DNAAF10: variants seen among roughly 807,000 people sequenced by gnomAD.
DNAAF10 encodes the protein dynein axonemal assembly factor 10.
In DNAAF10, 28 loss-of-function variants were observed where a neutral mutation model predicts 43.7. That is an observed-to-expected ratio of 0.64 (90% CI 0.48 to 0.88). The LOEUF is 0.88. Ranked by LOEUF, DNAAF10 falls within the 40% of genes least tolerant of loss-of-function variation. The pLI is 0.00. For synonymous variants in DNAAF10, 156 were observed against 157.3 expected (o/e 0.99, Z 0.06); for missense variants, 403 against 439.1 (o/e 0.92, Z 0.73).
In DNAAF10 at chr2:68,139,433, C is replaced by A. The variant is rs55943390; in HGVS notation, c.518-576G>T. 4.3e-3 allele frequency among the ~76,000 whole-genome samples: 653 copies of A among 151,368 alleles called. 1 individual carries two copies. Among genetic ancestry groups the A allele is most frequent in the Admixed American group, 6.9e-3 (106 of 15,252 alleles). ...ATAAAACTCTTTTCTTTATAAACTA[C>A]CCAGTCTCAGGTATTCCTTTATAGC... On this transcript the variant is annotated intron_variant, in intron 4 of 7. Coordinates refer to ENST00000295121, the MANE Select transcript of DNAAF10 (RefSeq NM_138458.4).
intron 1 of DNAAF10, chr2:68,157,058 G>A (rs768772766): frequency 2.9e-5 from 21 of 728,844 alleles, no homozygotes; most frequent in Non-Finnish European, 4.1e-5. Flanking sequence ...CAGGACGGTT[G>A]GGCGCGGAGG....
In DNAAF10 at chr2:68,131,262, G is replaced by C; in HGVS notation, c.1050C>G (p.Ile350Met). ...SSFDQTVRVL[I>M]VTKLNKI ...GTCAAATTTTATTGAGCTTTGTAAC[G>C]ATCAGTACTCTCACCGTTTGGTCAA... The change falls in exon 8 of 8, where the codon ATC (isoleucine) becomes ATG (methionine). Residue 350 changes from isoleucine to methionine, a missense_variant. Ile to Met is a conservative substitution (Grantham distance 10). Transcript: ENST00000295121. The C allele has an allele frequency of 1.2e-6, 2 of 1,613,888 alleles. No individual in the cohort carries two copies. Among genetic ancestry groups the C allele is most frequent in the East Asian group, 2.2e-5 (1 of 44,876 alleles).
chr2:68,147,431 A>ATC (rs1558611522), intron 2 of DNAAF10, 36 bp downstream of exon 2: 1 of 1,479,260 alleles, frequency 6.8e-7, no homozygotes. Flanking sequence ...TAAATTGCCT[A>ATC]TCTCATCTGT....
At chr2:68,137,860 C>T (rs1396859995) in intron 5 of DNAAF10, among the ~76,000 whole-genome samples, 1 of 136,564 alleles carries the variant, frequency 7.3e-6, no homozygotes, top group Non-Finnish European at 1.5e-5. Context: ...GAGTGAGACT[C>T]TGTCTCAAAA....
intron 1 of DNAAF10, among the ~76,000 whole-genome samples, chr2:68,154,291 C>T (rs527291145): frequency 6.6e-6 from 1 of 151,656 alleles, no homozygotes; most frequent in Admixed American, 6.6e-5. Flanking sequence ...CTGTCACCCA[C>T]GCTGGAGTGC....
intron 4 of DNAAF10, among the ~76,000 whole-genome samples, chr2:68,141,243 G>A (rs1007449402): frequency 2.6e-5 from 4 of 152,184 alleles, no homozygotes; most frequent in South Asian, 4.1e-4. Context: ...CGTATATAGC[G>A]TAATGTATGA....
In DNAAF10 at chr2:68,137,294, T is replaced by C. The variant is rs1673066966; in HGVS notation, c.768+5A>G. 1 of 1,608,578 alleles carries C rather than the reference T, an allele frequency of 6.2e-7. No individual in the cohort carries two copies. On this transcript the variant is annotated splice_donor_5th_base_variant and intron_variant, in intron 6 of 7. Transcript: ENST00000295121. Reference sequence around the variant, plus strand: ...TTCATAGAAAGACATTTCCCTCATATTTACCTTTTCTGAAACAGAGGCAAA... The same window carrying C: ...TTCATAGAAAGACATTTCCCTCATACTTACCTTTTCTGAAACAGAGGCAAA...
At chr2:68,144,798 T>TA (rs1246002377) in intron 2 of DNAAF10, 83 bp from the exon 3 acceptor site, 2 of 1,481,456 alleles carry the variant, frequency 1.4e-6, no homozygotes, top group Non-Finnish European at 1.8e-6. Flanking sequence ...ATATTATAGT[T>TA]AGATTTTTTC....
At chr2:68,147,040 C>T (rs1354894532) in intron 2 of DNAAF10, among the ~76,000 whole-genome samples, 1 of 152,044 alleles carries the variant, frequency 6.6e-6, no homozygotes. Context: ...AAAAGTTGTG[C>T]TTAGATGTTA....
At chr2:68,133,201 C>A (rs906446392) in intron 7 of DNAAF10, among the ~76,000 whole-genome samples, 2 of 152,150 alleles carry the variant, frequency 1.3e-5, no homozygotes, top group African/African-American at 4.8e-5. Flanking sequence ...CTGCTTTTCA[C>A]TCAGAAACCA....
At chr2:68,131,807 T>C (rs181641203) in intron 7 of DNAAF10, 54 of 221,434 alleles carry the variant, frequency 2.4e-4, no homozygotes, top group Middle Eastern at 2.0e-3. Flanking sequence ...TCTCCAGATA[T>C]AGATTGCTGG....
Position 68,130,026 on chromosome 2 carries a change from C to A in DNAAF10, c.*1212G>T, listed in dbSNP as rs1490247360. The stretch of plus-strand genomic sequence containing the variant: ...CCTGTATTTTAAGTAAAAAAGAGCT[C>A]TTTAAAATCAAAGCATTTTGTTTTA... On this transcript the variant is annotated 3_prime_UTR_variant, in exon 8 of 8. Coordinates refer to ENST00000295121, the MANE Select transcript of DNAAF10 (RefSeq NM_138458.4). 1 of 149,988 alleles carries A rather than the reference C, an allele frequency of 6.7e-6. No homozygotes were observed. Among genetic ancestry groups the A allele is most frequent in the African/African-American group, 2.5e-5 (1 of 40,786 alleles). 9.3% of individuals were successfully genotyped at this position (149,988 alleles called of 1,614,324 possible). A position where few individuals can be genotyped will look rare whatever the true frequency, so the allele number is the denominator to read the frequency against.
intron 2 of DNAAF10, among the ~76,000 whole-genome samples, chr2:68,145,452 T>A (rs891002729): frequency 2.7e-5 from 4 of 150,374 alleles, no homozygotes; most frequent in African/African-American, 4.9e-5. Context: ...TCTATCTAAA[T>A]ATATATATAT....
At chr2:68,134,517 C>A in intron 7 of DNAAF10, 185 bp downstream of exon 7, 1 of 1,435,908 alleles carries the variant, frequency 7.0e-7, no homozygotes, top group Non-Finnish European at 9.1e-7. Context: ...AGTGTACACT[C>A]TACTAAGTGT....
intron 5 of DNAAF10, 138 bp downstream of exon 5, chr2:68,138,604 T>A (rs1673100868): frequency 1.5e-6 from 1 of 658,794 alleles, no homozygotes; most frequent in Non-Finnish European, 2.7e-6. Context: ...CTCAAACGGA[T>A]TTGGCCTCAA....
rs1572913960 is a variant in DNAAF10 at position 68,130,348 on chromosome 2, T to A, written c.*890A>T. The A allele has an allele frequency of 6.6e-6, 1 of 151,816 alleles. No individual in the cohort carries two copies. Among genetic ancestry groups the A allele is most frequent in the South Asian group, 2.1e-4 (1 of 4,808 alleles). 9.4% of individuals were successfully genotyped at this position (151,816 alleles called of 1,614,324 possible). Reference sequence around the variant, plus strand: ...GTTTTGACCATGTTGGCCAGGCTGGTCTCGAATTCCTGACCTCGTGATTCA... The same window carrying A: ...GTTTTGACCATGTTGGCCAGGCTGGACTCGAATTCCTGACCTCGTGATTCA... On this transcript the variant is annotated 3_prime_UTR_variant, in exon 8 of 8. Transcript: ENST00000295121.
chr2:68,156,969 T>C (rs949770948), intron 1 of DNAAF10: 11 of 471,346 alleles, frequency 2.3e-5, no homozygotes, highest in African/African-American at 2.1e-4. Flanking sequence ...CTGATGCCTG[T>C]CGAATGTGTT....
In DNAAF10 at chr2:68,137,341, T is replaced by G. The variant is rs769070065; in HGVS notation, c.726A>C (p.Arg242Ser). 4 of 1,613,600 alleles carry G rather than the reference T, an allele frequency of 2.5e-6. No individual in the cohort carries two copies. The highest frequency in any genetic ancestry group is 3.4e-6 in the Non-Finnish European group (4 of 1,179,770). The change falls in exon 6 of 8, where the codon AGA (arginine) becomes AGC (serine). Residue 242 changes from arginine to serine, a missense_variant. Coordinates refer to ENST00000295121, the MANE Select transcript of DNAAF10 (RefSeq NM_138458.4). ...LEGKFHVFDM[R>S]TQHPTKGFAS... ...CAAAACCTTTGGTTGGATGCTGTGT[T>G]CTCATGTCAAAAACATGGAACTTTC...
intron 1 of DNAAF10, among the ~76,000 whole-genome samples, chr2:68,151,733 T>G (rs934337030): frequency 6.6e-6 from 1 of 152,226 alleles, no homozygotes; most frequent in African/African-American, 2.4e-5. Context: ...GCCAGGGTTC[T>G]GACAAACTGT....
Sources: gnomAD v4.1 joint callset for allele counts (sites outside exome capture counted in the v4.1 genomes callset) on GRCh38, gnomAD v4.1.1 for gene constraint, MANE v1.5 for transcripts, NCBI Gene and HGNC (gene_info 2026-07-23, HGNC 2026-07-21) for gene names.